The following MACROD2 variants were observed in gnomAD, a reference collection of about 807,000 sequenced individuals.
MACROD2 encodes the protein mono-ADP ribosylhydrolase 2, also known as ADP-ribose glycohydrolase MACROD2.
Under a neutral mutation model 70.4 loss-of-function variants are expected in MACROD2, and 36 were observed. The observed-to-expected ratio is 0.51, with a 90% CI of 0.39 to 0.68. MACROD2 has a LOEUF of 0.68. Among genes scored for constraint, MACROD2 ranks in the 30% least tolerant of loss-of-function variants. The pLI, the probability that MACROD2 is intolerant of heterozygous loss-of-function variation, is 0.00. For synonymous variants in MACROD2, 172 were observed against 178.8 expected, an observed-to-expected ratio of 0.96 and a Z score of 0.30; for missense variants, 496 against 538.4, an observed-to-expected ratio of 0.92 and a Z score of 0.78.
At chr20:14,905,451 A>AAAGGCAAGGTGAGAAAT (rs1173690925) in intron 5 of MACROD2, 23 of 152,290 alleles carry the variant, frequency 1.5e-4, no homozygotes, top group African/African-American at 5.1e-4. Flanking sequence ...AAGGAGAAGG[A>AAAGGCAAGGTGAGAAAT]AAGGCAAGGT....
At chr20:14,152,091 G>T (rs953098220) in intron 3 of MACROD2, among the ~76,000 whole-genome samples, 9 of 152,116 alleles carry the variant, frequency 5.9e-5, no homozygotes, top group Non-Finnish European at 1.2e-4. Context: ...AAAGTGCTGG[G>T]ATTACAGGCG....
At chr20:15,736,779 A>G (rs1393380298) in intron 8 of MACROD2, among the ~76,000 whole-genome samples, 1 of 152,176 alleles carries the variant, frequency 6.6e-6, no homozygotes, top group Non-Finnish European at 1.5e-5. Flanking sequence ...GACTTTAAGT[A>G]GCCATTGGCT....
At chr20:14,320,917 C>G (rs1283332938) in intron 3 of MACROD2, among the ~76,000 whole-genome samples, 1 of 152,110 alleles carries the variant, frequency 6.6e-6, no homozygotes, top group Non-Finnish European at 1.5e-5. Context: ...CCTTCAACAC[C>G]TATCCTATCT....
intron 3 of MACROD2, among the ~76,000 whole-genome samples, chr20:14,379,975 T>A (rs2083406519): frequency 1.3e-5 from 2 of 152,160 alleles, no homozygotes; most frequent in Non-Finnish European, 2.9e-5. Flanking sequence ...GAAGTGGAAT[T>A]GCTGGGTGAT....
chr20:14,023,705 G>T (rs759890514), intron 2 of MACROD2, among the ~76,000 whole-genome samples: 9 of 152,290 alleles, frequency 5.9e-5, no homozygotes, highest in Middle Eastern at 3.4e-3. Context: ...AGATCAGATG[G>T]CTGTAGATGT....
intron 5 of MACROD2, among the ~76,000 whole-genome samples, chr20:15,131,266 A>G (rs1316910329): frequency 1.3e-5 from 2 of 152,144 alleles, no homozygotes; most frequent in African/African-American, 4.8e-5. Flanking sequence ...ACAAGGACAC[A>G]TTATGTTTCA....
chr20:15,322,844 T>C (rs2077887124), intron 6 of MACROD2, among the ~76,000 whole-genome samples: 1 of 144,090 alleles, frequency 6.9e-6, no homozygotes, highest in African/African-American at 2.5e-5. Context: ...ATTAGAAATG[T>C]GACCTTGGAA....
At chr20:14,708,854 G>A (rs764439848) in intron 5 of MACROD2, among the ~76,000 whole-genome samples, 12 of 152,008 alleles carry the variant, frequency 7.9e-5, no homozygotes, top group Non-Finnish European at 5.9e-5. Flanking sequence ...TCCTGACCTC[G>A]TGATCCACCC....
intron 6 of MACROD2, among the ~76,000 whole-genome samples, chr20:15,286,512 ACTGG>A (rs374788557): frequency 0.13 from 19,309 of 152,030 alleles, 1,304 homozygotes; most frequent in Middle Eastern, 0.21. Context: ...TTACATTCTC[ACTGG>A]AGGTGGGGAG....
intron 8 of MACROD2, among the ~76,000 whole-genome samples, chr20:15,700,523 G>T (rs1005289813): frequency 6.6e-6 from 1 of 152,160 alleles, no homozygotes; most frequent in Non-Finnish European, 1.5e-5. Context: ...CCCCCTGAAT[G>T]TTTGGTTTCT....
intron 3 of MACROD2, among the ~76,000 whole-genome samples, chr20:14,387,312 T>C (rs2083479298): frequency 6.6e-6 from 1 of 152,236 alleles, no homozygotes; most frequent in Non-Finnish European, 1.5e-5. Flanking sequence ...CAAGGATTGC[T>C]GTTGTTAACT....
intron 6 of MACROD2, among the ~76,000 whole-genome samples, chr20:15,410,728 T>C (rs1440179225): frequency 6.6e-6 from 1 of 151,756 alleles, no homozygotes; most frequent in Non-Finnish European, 1.5e-5. Context: ...TCCTGTAAAC[T>C]TAGTGATGTT....
At chr20:14,571,299 A>G (rs1980174527) in intron 4 of MACROD2, among the ~76,000 whole-genome samples, 1 of 152,020 alleles carries the variant, frequency 6.6e-6, no homozygotes, top group South Asian at 2.1e-4. Flanking sequence ...TGAGGAGTGT[A>G]TCTTATATCC....
intron 6 of MACROD2, among the ~76,000 whole-genome samples, chr20:15,386,625 A>C (rs1428432577): frequency 6.6e-6 from 1 of 152,174 alleles, no homozygotes; most frequent in African/African-American, 2.4e-5. Flanking sequence ...CTTAGCCAAT[A>C]ATTACATTAT....
intron 5 of MACROD2, among the ~76,000 whole-genome samples, chr20:14,843,671 T>C (rs76455290): frequency 0.016 from 2,446 of 152,198 alleles, 75 homozygotes; most frequent in African/African-American, 0.055. Flanking sequence ...TTACCTCCTT[T>C]CTTTTTGACT....
At chr20:15,138,229 C>T (rs964713410) in intron 5 of MACROD2, among the ~76,000 whole-genome samples, 10 of 152,202 alleles carry the variant, frequency 6.6e-5, no homozygotes, top group African/African-American at 2.2e-4. Flanking sequence ...TTTACCCCCA[C>T]AAGAATTGAA....
intron 4 of MACROD2, among the ~76,000 whole-genome samples, chr20:14,610,165 T>G (rs2123425952): frequency 6.6e-6 from 1 of 152,146 alleles, no homozygotes; most frequent in South Asian, 2.1e-4. Flanking sequence ...ACAAAATGGG[T>G]CATTTAGTTT....
chr20:14,435,729 T>C (rs1321699708), intron 3 of MACROD2, among the ~76,000 whole-genome samples: 1 of 151,078 alleles, frequency 6.6e-6, no homozygotes, highest in Non-Finnish European at 1.5e-5. Flanking sequence ...TTTTTTGACA[T>C]AGGATCTTGC....
At chr20:15,801,129 A>G (rs1445973814) in intron 8 of MACROD2, among the ~76,000 whole-genome samples, 64 of 146,044 alleles carry the variant, frequency 4.4e-4, no homozygotes, top group Admixed American at 3.5e-3. Context: ...TCCCTCCACT[A>G]TTGTCCTGTG....
Sources: gnomAD v4.1 joint callset for allele counts (sites outside exome capture counted in the v4.1 genomes callset) on GRCh38, gnomAD v4.1.1 for gene constraint, MANE v1.5 for transcripts, NCBI Gene and HGNC (gene_info 2026-07-23, HGNC 2026-07-21) for gene names.